The following COBL variants were observed in gnomAD, a reference collection of about 807,000 sequenced individuals.
COBL encodes protein cordon-bleu.
A neutral mutation model predicts 98.8 loss-of-function variants in COBL; 51 were observed. The observed-to-expected ratio is 0.52, with a 90% CI of 0.41 to 0.65. The LOEUF (loss-of-function observed/expected upper bound fraction) is 0.65. Among genes scored for constraint, COBL ranks in the 30% least tolerant of loss-of-function variants. The pLI, the probability that COBL is intolerant of heterozygous loss-of-function variation, is 0.00. For missense variants in COBL, 1,617 were observed against 1,617.5 expected, an observed-to-expected ratio of 1.00 and a Z score of 0.01; for synonymous variants, 634 against 651.7, an observed-to-expected ratio of 0.97 and a Z score of 0.41.
At chr7:51,192,192 G>A (rs913664575) in intron 3 of COBL, among the ~76,000 whole-genome samples, 10 of 152,182 alleles carry the variant, frequency 6.6e-5, no homozygotes, top group African/African-American at 2.4e-4. Context: ...GAAATTAATA[G>A]GAGATTAATG....
At chr7:51,225,818 C>A (rs1157027759) in intron 1 of COBL, among the ~76,000 whole-genome samples, 1 of 152,178 alleles carries the variant, frequency 6.6e-6, no homozygotes, top group Non-Finnish European at 1.5e-5. Context: ...AATCCACTCA[C>A]TGAAAGTCAG....
chr7:51,187,060 C>G (rs115444712), intron 4 of COBL, among the ~76,000 whole-genome samples: 1 of 152,076 alleles, frequency 6.6e-6, no homozygotes, highest in South Asian at 2.1e-4. Context: ...CTCACACAGT[C>G]TGCAAGAAAG....
intron 5 of COBL, among the ~76,000 whole-genome samples, chr7:51,157,897 A>G (rs1004430200): frequency 2.0e-5 from 3 of 152,226 alleles, no homozygotes; most frequent in Non-Finnish European, 4.4e-5. Context: ...TTATTTGTCA[A>G]TTGAAATAAA....
Position 51,193,588 on chromosome 7 carries a change from G to C in COBL, c.247C>G (p.His83Asp). 1 of 1,613,524 alleles carries C rather than the reference G, an allele frequency of 6.2e-7. No individual in the cohort carries two copies. The highest frequency in any genetic ancestry group is 1.1e-5 in the South Asian group (1 of 90,984). ...TCAACCAGTAGGTCCATCATCGCAT[G>C]GCTGAAAAAAGGAAAACAAATCATG... ...LEKRSVLNGS[H>D]AMMDLLVELC... is the part of the protein sequence containing the mutation. The change falls in exon 3 of 13, where the codon CAT becomes GAT. Residue 83 changes from histidine (H) to aspartate (D), a missense_variant and splice_region_variant. Physicochemically the swap from His to Asp is moderately conservative, Grantham distance 81. Transcript: ENST00000265136.
At chr7:51,235,063 C>T (rs1209819993) in intron 1 of COBL, among the ~76,000 whole-genome samples, 1 of 152,240 alleles carries the variant, frequency 6.6e-6, no homozygotes, top group Non-Finnish European at 1.5e-5. Flanking sequence ...CCTCACAACG[C>T]TCATGCCTGT....
At chr7:51,072,073 A>G (rs1792614053) in intron 7 of COBL, 1 of 151,508 alleles carries the variant, frequency 6.6e-6, no homozygotes, top group Admixed American at 6.6e-5. Context: ...TAATTCCTTC[A>G]TTAGTCATAG....
chr7:51,049,038 G>A (rs1789988393), intron 7 of COBL, among the ~76,000 whole-genome samples: 1 of 152,070 alleles, frequency 6.6e-6, no homozygotes, highest in Non-Finnish European at 1.5e-5. Flanking sequence ...ATTCCATTAG[G>A]TTTCTAAAAC....
chr7:51,269,509 G>A (rs1460828156), intron 1 of COBL, among the ~76,000 whole-genome samples: 3 of 152,190 alleles, frequency 2.0e-5, no homozygotes, highest in South Asian at 2.1e-4. Flanking sequence ...GTGGTGCATC[G>A]GCAGGACGTG....
At chr7:51,114,193 C>A (rs1797078447) in intron 6 of COBL, among the ~76,000 whole-genome samples, 1 of 152,124 alleles carries the variant, frequency 6.6e-6, no homozygotes, top group African/African-American at 2.4e-5. Flanking sequence ...GCCCCTCCAA[C>A]ACAGTCAGGA....
chr7:51,309,619 G>GT (rs895841177), intron 1 of COBL, among the ~76,000 whole-genome samples: 1 of 152,104 alleles, frequency 6.6e-6, no homozygotes, highest in Non-Finnish European at 1.5e-5. Flanking sequence ...TTAAGAAACA[G>GT]TTTTTTTGAA....
intron 1 of COBL, among the ~76,000 whole-genome samples, chr7:51,221,340 C>A (rs764506593): frequency 1.3e-5 from 2 of 152,082 alleles, no homozygotes; most frequent in Non-Finnish European, 2.9e-5. Flanking sequence ...CTAAACAATC[C>A]CACAAGACAG....
Position 51,099,756 on chromosome 7 carries a change from T to C in COBL, c.958-14452A>G, listed in dbSNP as rs1795649510. Among the ~76,000 whole-genome samples the C allele has an allele frequency of 2.0e-5, 3 of 152,200 alleles. No homozygotes were observed. In the South Asian group the frequency reaches 6.2e-4, roughly 32 times the overall value. On this transcript the variant is annotated intron_variant, in intron 6 of 12. Coordinates refer to ENST00000265136, the MANE Select transcript of COBL (RefSeq NM_015198.5). ...TTTAACCACAATTTTTTAACCACCATTATTATTAATAATAAAGAGTCCTTG... is the reference window on the plus strand; with the variant it reads ...TTTAACCACAATTTTTTAACCACCACTATTATTAATAATAAAGAGTCCTTG...
At chr7:51,154,584 G>GA (rs1785917522) in intron 5 of COBL, among the ~76,000 whole-genome samples, 1 of 152,176 alleles carries the variant, frequency 6.6e-6, no homozygotes, top group Non-Finnish European at 1.5e-5. Context: ...CTCCCGGTGG[G>GA]ATGTGGGCAC....
At chr7:51,114,876 C>T (rs928339758) in intron 6 of COBL, among the ~76,000 whole-genome samples, 1 of 152,200 alleles carries the variant, frequency 6.6e-6, no homozygotes, top group African/African-American at 2.4e-5. Context: ...AACACTAGCT[C>T]CAATTTTAGC....
intron 7 of COBL, among the ~76,000 whole-genome samples, chr7:51,065,642 T>C (rs1791846765): frequency 6.6e-6 from 1 of 152,204 alleles, no homozygotes; most frequent in Non-Finnish European, 1.5e-5. Context: ...GGGTCTCCCC[T>C]GTGCATCCAC....
At chr7:51,196,729 C>G (rs749381900) in intron 2 of COBL, among the ~76,000 whole-genome samples, 2 of 151,658 alleles carry the variant, frequency 1.3e-5, no homozygotes, top group Non-Finnish European at 2.9e-5. Context: ...TTCAGAGATT[C>G]AATTTCTTCC....
chr7:51,240,198 G>A (rs150789944), intron 1 of COBL, among the ~76,000 whole-genome samples: 1 of 152,306 alleles, frequency 6.6e-6, no homozygotes, highest in Non-Finnish European at 1.5e-5. Flanking sequence ...ATGGTGATGA[G>A]AAAATCTTGA....
At chr7:51,226,204 T>A (rs1794167941) in intron 1 of COBL, among the ~76,000 whole-genome samples, 1 of 152,222 alleles carries the variant, frequency 6.6e-6, no homozygotes, top group South Asian at 2.1e-4. Flanking sequence ...TCTGGCTGGC[T>A]GCTGGCAAAC....
chr7:51,023,293 G>A (rs1787124419), intron 12 of COBL, among the ~76,000 whole-genome samples: 1 of 152,124 alleles, frequency 6.6e-6, no homozygotes, highest in Non-Finnish European at 1.5e-5. Context: ...GAAAACCAAA[G>A]AGCCTTAAGT....
Sources: gnomAD v4.1 joint callset for allele counts (sites outside exome capture counted in the v4.1 genomes callset) on GRCh38, gnomAD v4.1.1 for gene constraint, MANE v1.5 for transcripts, NCBI Gene and HGNC (gene_info 2026-07-23, HGNC 2026-07-21) for gene names.